Variants in TTC13 observed in about 807,000 individuals in gnomAD.
The protein encoded by TTC13 is tetratricopeptide repeat domain 13.
In TTC13, 62 loss-of-function variants were observed where a neutral mutation model predicts 120.0. The ratio of observed to expected loss-of-function variants is 0.52; its 90% CI spans 0.42 to 0.64. TTC13 has a LOEUF of 0.64. TTC13 is among the 30% of genes least tolerant of loss of function. TTC13 has a pLI of 0.00. For missense variants in TTC13, 824 were observed against 1,050.2 expected, an observed-to-expected ratio of 0.78 and a Z score of 2.98; for synonymous variants, 384 against 393.5, an observed-to-expected ratio of 0.98 and a Z score of 0.28.
chr1:230,965,677 T>C (rs1289913582), intron 1 of TTC13, among the ~76,000 whole-genome samples: 1 of 152,230 alleles, frequency 6.6e-6, no homozygotes, highest in African/African-American at 2.4e-5. Flanking sequence ...ATCCAATATT[T>C]GCTGCAGCAG....
intron 4 of TTC13, among the ~76,000 whole-genome samples, chr1:230,946,687 G>A (rs997342914): frequency 2.0e-5 from 3 of 152,200 alleles, no homozygotes; most frequent in African/African-American, 7.2e-5. Context: ...AGAGACTAGA[G>A]CTAAGCACTG....
rs193256409 is a variant in TTC13 at position 230,929,776 on chromosome 1, G to A, written c.1301-683C>T. ...TATATAATTTCACCAACCGACTAAT[G>A]GACTGCTGCTTATCTCTATGAAAGC... On this transcript the variant is annotated intron_variant, in intron 11 of 22. Coordinates refer to ENST00000366661, the MANE Select transcript of TTC13 (RefSeq NM_024525.5). Among the ~76,000 whole-genome samples the A allele has an allele frequency of 3.0e-3, 461 of 152,266 alleles. 4 individuals carry two copies. Among genetic ancestry groups the A allele is most frequent in the South Asian group, 0.017 (80 of 4,826 alleles).
intron 17 of TTC13, among the ~76,000 whole-genome samples, chr1:230,918,895 A>G (rs1229964553): frequency 6.6e-6 from 1 of 152,210 alleles, no homozygotes; most frequent in Non-Finnish European, 1.5e-5. Context: ...AGCTGCAAGG[A>G]AAACATTTAC....
chr1:230,917,534 G>A (rs1672155471), intron 17 of TTC13, among the ~76,000 whole-genome samples: 1 of 152,118 alleles, frequency 6.6e-6, no homozygotes, highest in South Asian at 2.1e-4. Context: ...CAAATATCTT[G>A]TTGTATATTC....
intron 1 of TTC13, among the ~76,000 whole-genome samples, chr1:230,975,579 G>C (rs961377784): frequency 6.6e-6 from 1 of 152,154 alleles, no homozygotes; most frequent in African/African-American, 2.4e-5. Context: ...GTACAATACA[G>C]TGTTCATTTT....
intron 21 of TTC13, 42 bp from the exon 22 acceptor site, chr1:230,908,833 G>A (rs1671203186): frequency 6.2e-7 from 1 of 1,607,178 alleles, no homozygotes; most frequent in Non-Finnish European, 8.5e-7. Context: ...AAACATGGAG[G>A]ACACAGGCTC....
chr1:230,967,140 G>T (rs1007962716), intron 1 of TTC13, among the ~76,000 whole-genome samples: 1 of 151,422 alleles, frequency 6.6e-6, no homozygotes, highest in Non-Finnish European at 1.5e-5. Flanking sequence ...TTTTATCAAG[G>T]TCTTTTAAAA....
intron 1 of TTC13, among the ~76,000 whole-genome samples, chr1:230,977,329 T>C (rs747728937): frequency 2.9e-4 from 44 of 152,198 alleles, no homozygotes; most frequent in Non-Finnish European, 4.3e-4. Flanking sequence ...AGGTGAACAG[T>C]GTTTTCCACT....
rs1420199293 is a variant in TTC13 at position 230,906,285 on chromosome 1, TA to T, written c.*619del. ...GTGATTTATAGAAATCACCCTGGTTTATTTTTTTCAACAAAGGAAAAAAAAA... is the reference window on the plus strand; with the variant it reads ...GTGATTTATAGAAATCACCCTGGTTTTTTTTTTCAACAAAGGAAAAAAAAA... On this transcript the variant is annotated 3_prime_UTR_variant, in exon 23 of 23. Coordinates refer to ENST00000366661, the MANE Select transcript of TTC13 (RefSeq NM_024525.5). 7 of 152,210 alleles carry T rather than the reference TA, an allele frequency of 4.6e-5. 1 individual carries two copies. The highest frequency in any genetic ancestry group is 4.6e-4 in the Admixed American group (7 of 15,290). The allele number at this position is 152,210 out of a possible 1,614,324, so 9.4% of individuals were successfully genotyped here. A position where few individuals can be genotyped will look rare whatever the true frequency, so the allele number is the denominator to read the frequency against.
chr1:230,939,429 A>G lies in TTC13; in HGVS notation c.857T>C (p.Met286Thr). Residue 286 changes from methionine (M) to threonine (T), a missense_variant, in exon 8 of 23, where the codon ATG (methionine) becomes ACG (threonine). Around this residue, in one of 4 missense-constraint regions of TTC13, gnomAD observed 430 missense variants for 626.8 expected, o/e 0.69. Coordinates refer to ENST00000366661, the MANE Select transcript of TTC13 (RefSeq NM_024525.5). ...AAAGAAAGTTAAACCTTTGTATAGC[A>G]TAGCTATAGGCTGGTTTTTGTTCAG... is the stretch of plus-strand genomic sequence containing the variant. ...LELNKNQPIAMLYKGLTFFHR... is the reference protein window; with the variant it reads ...LELNKNQPIATLYKGLTFFHR... 1 of 1,612,742 alleles carries G rather than the reference A, an allele frequency of 6.2e-7. No homozygotes were observed. Among genetic ancestry groups the G allele is most frequent in the Non-Finnish European group, 8.5e-7 (1 of 1,179,010 alleles).
Position 230,908,664 on chromosome 1 carries a change from C to T in TTC13, c.2468+48G>A, listed in dbSNP as rs72762647. On this transcript the variant is annotated intron_variant, in intron 22 of 22. Transcript: ENST00000366661. ...TCCAAAGTAACAGGAAACTCCTTTTCCTCCTCCAGTTATGATACCCTTGTG... is the reference window on the plus strand; with the variant it reads ...TCCAAAGTAACAGGAAACTCCTTTTTCTCCTCCAGTTATGATACCCTTGTG... The T allele has an allele frequency of 3.7e-3, 5,517 of 1,509,494 alleles. 19 individuals carry two copies. Among genetic ancestry groups the T allele is most frequent in the Non-Finnish European group, 4.7e-3 (5,139 of 1,095,610 alleles). 93.5% of individuals were successfully genotyped at this position (1,509,494 alleles called of 1,614,324 possible). A position where few individuals can be genotyped will look rare whatever the true frequency, so the allele number is the denominator to read the frequency against.
chr1:230,939,532 T>C (rs1173759654), intron 7 of TTC13, 36 bp from the exon 8 acceptor site: 9 of 1,374,104 alleles, frequency 6.5e-6, no homozygotes, highest in Non-Finnish European at 9.2e-6. Context: ...AATAAAATAG[T>C]ATTCATTAGA....
In TTC13 at chr1:230,978,762, G is replaced by T. The variant is rs1343300811; in HGVS notation, c.69C>A (p.Ala23=). The change falls in exon 1 of 23, where the codon GCC becomes GCA. Residue 23 remains alanine (A), a synonymous_variant. Transcript: ENST00000366661. This position sits in a 1 kb window ranked among gnomAD's most constrained non-coding sequence, Gnocchi z 5.6. The part of the protein sequence containing the change: ...WGGAVAAAGA[A]RRVLLLLLLG... ...GCAGCAGCAGCAGCAGGACACGCCG[G>T]GCGGCGCCCGCGGCGGCCACAGCGC... 2 of 1,500,040 alleles carry T rather than the reference G, an allele frequency of 1.3e-6. No individual in the cohort carries two copies. Among genetic ancestry groups the T allele is most frequent in the Non-Finnish European group, 8.8e-7 (1 of 1,134,030 alleles). 92.9% of individuals were successfully genotyped at this position (1,500,040 alleles called of 1,614,324 possible). A position where few individuals can be genotyped will look rare whatever the true frequency, so the allele number is the denominator to read the frequency against.
chr1:230,933,552 C>T (rs1041478788), intron 9 of TTC13, among the ~76,000 whole-genome samples: 1 of 152,184 alleles, frequency 6.6e-6, no homozygotes, highest in Non-Finnish European at 1.5e-5. Context: ...TAGACCAATA[C>T]ACACGCTGAA....
intron 4 of TTC13, among the ~76,000 whole-genome samples, chr1:230,948,850 C>T (rs1181873361): frequency 2.0e-5 from 3 of 152,060 alleles, no homozygotes; most frequent in Non-Finnish European, 4.4e-5. Flanking sequence ...GATGCTTTCC[C>T]AAATGCAGTG....
intron 11 of TTC13, among the ~76,000 whole-genome samples, chr1:230,930,394 CTTTT>C (rs1184838308): frequency 1.3e-5 from 2 of 152,000 alleles, no homozygotes; most frequent in Non-Finnish European, 1.5e-5. Context: ...CAGCTTTCCC[CTTTT>C]TTTTATTTTG....
intron 8 of TTC13, among the ~76,000 whole-genome samples, chr1:230,935,996 G>A (rs995417936): frequency 3.9e-5 from 6 of 152,122 alleles, no homozygotes; most frequent in Non-Finnish European, 8.8e-5. Context: ...TTGGGTGGGT[G>A]GCAAGAACAT....
At chr1:230,948,932 C>T (rs1229003633) in intron 4 of TTC13, among the ~76,000 whole-genome samples, 1 of 152,094 alleles carries the variant, frequency 6.6e-6, no homozygotes, top group Non-Finnish European at 1.5e-5. Flanking sequence ...TTCCTTTGAT[C>T]CCTTAAGTCT....
intron 1 of TTC13, among the ~76,000 whole-genome samples, chr1:230,963,328 C>A (rs935364383): frequency 6.6e-6 from 1 of 152,234 alleles, no homozygotes; most frequent in East Asian, 1.9e-4. Flanking sequence ...TTTCACAAGG[C>A]ATAAGCAGGG....
Sources: allele counts gnomAD v4.1 joint callset (sites outside exome capture counted in the v4.1 genomes callset), GRCh38; gene constraint gnomAD v4.1.1; regional missense constraint gnomAD v4.1.1; non-coding constraint Gnocchi (gnomAD v3.1); transcripts MANE v1.5; gene names NCBI Gene and HGNC (gene_info 2026-07-23, HGNC 2026-07-21).